Variants in STRN observed in about 807,000 individuals in gnomAD.
STRN encodes the protein protein phosphatase 2 regulatory subunit B'''alpha.
STRN carries 53 observed loss-of-function variants against 96.3 expected under a neutral mutation model. The observed-to-expected ratio is 0.55, with a 90% CI of 0.44 to 0.69. STRN has a LOEUF of 0.69. STRN is among the 30% of genes least tolerant of loss of function. STRN has a pLI of 0.00. For synonymous variants in STRN, 428 were observed against 355.9 expected (o/e 1.20, Z -2.28); for missense variants, 987 against 963.9 (o/e 1.02, Z -0.32).
At chr2:36,875,071 G>A (rs2148159716) in intron 10 of STRN, among the ~76,000 whole-genome samples, 1 of 152,002 alleles carries the variant, frequency 6.6e-6, no homozygotes, top group East Asian at 1.9e-4. Flanking sequence ...AAGTAGGGTG[G>A]GAATTAAGAA....
At chr2:36,859,952 A>C (rs773469167) in intron 13 of STRN, among the ~76,000 whole-genome samples, 12 of 152,202 alleles carry the variant, frequency 7.9e-5, no homozygotes, top group Non-Finnish European at 1.5e-4. Context: ...AAAAACATGA[A>C]ATTAGTAACT....
At chr2:36,931,919 C>CA (rs994766212) in intron 1 of STRN, among the ~76,000 whole-genome samples, 1 of 152,038 alleles carries the variant, frequency 6.6e-6, no homozygotes, top group Non-Finnish European at 1.5e-5. Context: ...ATCCTGAACT[C>CA]AATCAATTCT....
chr2:36,923,541 T>C (rs991881981), intron 2 of STRN, among the ~76,000 whole-genome samples: 2 of 152,170 alleles, frequency 1.3e-5, no homozygotes, highest in African/African-American at 4.8e-5. Flanking sequence ...TTTCATCAAC[T>C]TTCCCAAAGT....
Position 36,951,122 on chromosome 2 carries a change from T to C in STRN, c.234+15108A>G, listed in dbSNP as rs557217023. 8.2e-4 allele frequency among the ~76,000 whole-genome samples: 125 copies of C among 152,296 alleles called. 1 individual carries two copies. The highest frequency in any genetic ancestry group is 3.4e-3 in the Middle Eastern group (1 of 294). ...GACACTTGTAAAAAACTTGAAGGCA[T>C]AGGCTTTAGAAAAGGAAAAAAATGT... On this transcript the variant is annotated intron_variant, in intron 1 of 17. Coordinates refer to ENST00000263918, the MANE Select transcript of STRN (RefSeq NM_003162.4).
At chr2:36,914,881 C>T (rs1163525734) in intron 3 of STRN, among the ~76,000 whole-genome samples, 1 of 151,934 alleles carries the variant, frequency 6.6e-6, no homozygotes, top group African/African-American at 2.4e-5. Flanking sequence ...GATACTTTAC[C>T]GAATAACCAC....
At chr2:36,879,269 C>G (rs1392572653) in intron 9 of STRN, among the ~76,000 whole-genome samples, 2 of 152,176 alleles carry the variant, frequency 1.3e-5, no homozygotes, top group East Asian at 3.9e-4. Flanking sequence ...CGGGGTTTCC[C>G]CATGTTGACC....
At chr2:36,961,116 T>C (rs1019310656) in intron 1 of STRN, among the ~76,000 whole-genome samples, 1 of 90,020 alleles carries the variant, frequency 1.1e-5, no homozygotes, top group Non-Finnish European at 2.0e-5. Flanking sequence ...CAGGCTGCAC[T>C]TTTTTTTTTT....
intron 1 of STRN, among the ~76,000 whole-genome samples, chr2:36,943,108 T>C (rs1025804018): frequency 2.6e-5 from 4 of 152,210 alleles, no homozygotes; most frequent in Admixed American, 2.6e-4. Context: ...ACCACCCAAA[T>C]GCTCAAAAAG....
chr2:36,921,235 T>C (rs1670247284), intron 2 of STRN, among the ~76,000 whole-genome samples: 1 of 152,146 alleles, frequency 6.6e-6, no homozygotes, highest in Admixed American at 6.5e-5. Flanking sequence ...CAAATGACTA[T>C]TTTCAGTATA....
In STRN at chr2:36,837,756, CAACTTACAAGAGTTGGAAA is replaced by C. The variant is rs1427692227; in HGVS notation, c.*11681_*11699del. ...AGTACTTTTGAATGTGGTCAACAGA[CAACTTACAAGAGTTGGAAA>C]AAAATGTTTGCATCCAAGATAAGAA... On this transcript the variant is annotated 3_prime_UTR_variant, in exon 18 of 18. Coordinates refer to ENST00000263918, the MANE Select transcript of STRN (RefSeq NM_003162.4). Among the ~76,000 whole-genome samples, 1 of 152,006 alleles carries C rather than the reference CAACTTACAAGAGTTGGAAA, an allele frequency of 6.6e-6. No homozygotes were observed. Among genetic ancestry groups the C allele is most frequent in the Non-Finnish European group, 1.5e-5 (1 of 67,998 alleles).
chr2:36,899,740 T>C, intron 5 of STRN, 82 bp from the exon 6 acceptor site: 1 of 1,272,326 alleles, frequency 7.9e-7, no homozygotes, highest in Non-Finnish European at 1.1e-6. Context: ...TTACATCAAC[T>C]TCTATTTATA....
In STRN at chr2:36,840,129, GACA is replaced by G. The variant is rs1667916789; in HGVS notation, c.*9324_*9326del. The G allele has an allele frequency of 1.3e-5, 2 of 152,208 alleles. No homozygotes were observed. Among genetic ancestry groups the G allele is most frequent in the African/African-American group, 4.8e-5 (2 of 41,426 alleles). 9.4% of individuals were successfully genotyped at this position (152,208 alleles called of 1,614,324 possible). A position where few individuals can be genotyped will look rare whatever the true frequency, so the allele number is the denominator to read the frequency against. ...CACTGGGAGGTTCGTCTTTCTCCTGGACAACAGCAGTCAGTAGGGCCATCTGTA... is the reference window on the plus strand; with the variant it reads ...CACTGGGAGGTTCGTCTTTCTCCTGGACAGCAGTCAGTAGGGCCATCTGTA... On this transcript the variant is annotated 3_prime_UTR_variant, in exon 18 of 18. Coordinates refer to ENST00000263918, the MANE Select transcript of STRN (RefSeq NM_003162.4).
chr2:36,841,898 G>C lies in STRN; in HGVS notation c.*7558C>G, dbSNP rs1284950364. The C allele has an allele frequency of 6.6e-6, 1 of 152,208 alleles. No homozygotes were observed. Among genetic ancestry groups the C allele is most frequent in the Non-Finnish European group, 1.5e-5 (1 of 68,044 alleles). The allele number at this position is 152,208 out of a possible 1,614,324, so 9.4% of individuals were successfully genotyped here. Reference sequence around the variant, plus strand: ...GGTATACTGCCAGCCCATTGAAGTTGAAATGGAAGACAATGTGGCTCAGGC... The same window carrying C: ...GGTATACTGCCAGCCCATTGAAGTTCAAATGGAAGACAATGTGGCTCAGGC... On this transcript the variant is annotated 3_prime_UTR_variant, in exon 18 of 18. Transcript: ENST00000263918.
intron 10 of STRN, among the ~76,000 whole-genome samples, chr2:36,874,218 C>T (rs1057203927): frequency 6.7e-6 from 1 of 149,804 alleles, no homozygotes; most frequent in Non-Finnish European, 1.5e-5. Flanking sequence ...CAGCTAAGAT[C>T]GCGCCACTGC....
At chr2:36,875,419 T>C (rs1668877435) in intron 10 of STRN, among the ~76,000 whole-genome samples, 1 of 142,954 alleles carries the variant, frequency 7.0e-6, no homozygotes, top group South Asian at 2.1e-4. Context: ...GGTGGGAGGA[T>C]GGCTTAAGCC....
rs983514767 is a variant in STRN at position 36,899,487 on chromosome 2, TA to T, written c.795+35del. ...ATTATACAGTATGTATTATAGTCCC[TA>T]AAAATATTTATATTGTATGAGTTAT... On this transcript the variant is annotated intron_variant, in intron 6 of 17. Transcript: ENST00000263918. The T allele has an allele frequency of 2.5e-6, 4 of 1,584,410 alleles. No individual in the cohort carries two copies. The African/African-American group carries it at 4.1e-5, about 16-fold the overall frequency.
intron 1 of STRN, among the ~76,000 whole-genome samples, chr2:36,954,723 G>A (rs1028529549): frequency 6.6e-6 from 1 of 150,766 alleles, no homozygotes; most frequent in South Asian, 2.1e-4. Flanking sequence ...TGCAACCTCT[G>A]CCTCCTGGGT....
At position 36,915,985 on chromosome 2, in the gene STRN, A is replaced by C. The variant is rs1670087323; in HGVS notation, c.412+93T>G. On this transcript the variant is annotated intron_variant, in intron 3 of 17. Coordinates refer to ENST00000263918, the MANE Select transcript of STRN (RefSeq NM_003162.4). ...CAGAAAAAATAACTAATACACAAAT[A>C]ATTAGAAAGTAACTTACAGTTGTAA... 1.9e-5 allele frequency: 22 copies of C among 1,138,634 alleles called. No individual in the cohort carries two copies. In the South Asian group the frequency reaches 2.8e-4, roughly 15 times the overall value. 70.5% of individuals were successfully genotyped at this position (1,138,634 alleles called of 1,614,324 possible).
chr2:36,859,583 A>T (rs1247694158), intron 13 of STRN, among the ~76,000 whole-genome samples: 1 of 152,242 alleles, frequency 6.6e-6, no homozygotes. Flanking sequence ...TCTGAAGCTT[A>T]AAGATGTATG....
Sources: gnomAD v4.1 joint callset for allele counts (sites outside exome capture counted in the v4.1 genomes callset) on GRCh38, gnomAD v4.1.1 for gene constraint, MANE v1.5 for transcripts, NCBI Gene and HGNC (gene_info 2026-07-23, HGNC 2026-07-21) for gene names.